Variants in NEIL3 observed in about 807,000 individuals in gnomAD.
NEIL3 encodes the protein endonuclease 8-like 3.
Under a neutral mutation model 57.5 loss-of-function variants are expected in NEIL3, and 48 were observed. That is an observed-to-expected ratio of 0.83 (90% CI 0.66 to 1.06). The LOEUF (loss-of-function observed/expected upper bound fraction) is 1.06, where lower values mean the gene tolerates loss of function less well. Among genes scored for constraint, NEIL3 ranks in the 50% least tolerant of loss-of-function variants. The pLI is 0.00. For missense variants in NEIL3, 717 were observed against 739.1 expected, an observed-to-expected ratio of 0.97 and a Z score of 0.35; for synonymous variants, 261 against 253.2, an observed-to-expected ratio of 1.03 and a Z score of -0.29.
intron 6 of NEIL3, among the ~76,000 whole-genome samples, chr4:177,347,381 T>C (rs1735244972): frequency 6.6e-6 from 1 of 152,012 alleles, no homozygotes. Context: ...CCAAGGCAAG[T>C]TTCTGAGTAG....
At chr4:177,361,370 G>A (rs1037886204) in intron 9 of NEIL3, among the ~76,000 whole-genome samples, 3 of 152,150 alleles carry the variant, frequency 2.0e-5, no homozygotes, top group Non-Finnish European at 4.4e-5. Context: ...ATCTGGAATA[G>A]AACTGAAAAA....
chr4:177,356,376 A>G (rs987639158), intron 8 of NEIL3, among the ~76,000 whole-genome samples: 4 of 152,356 alleles, frequency 2.6e-5, no homozygotes, highest in African/African-American at 9.6e-5. Flanking sequence ...TATTGAATAT[A>G]AGAACACCAG....
chr4:177,345,679 CTTTTTTTTTTTTTTT>C (rs55741585), intron 6 of NEIL3, among the ~76,000 whole-genome samples: 1 of 78,034 alleles, frequency 1.3e-5, no homozygotes, highest in Admixed American at 1.5e-4. Context: ...CCACGCCTGG[CTTTTTTTTTTTTTTT>C]TTTTTTTTTT....
At chr4:177,319,713 G>C (rs1039938015) in intron 1 of NEIL3, among the ~76,000 whole-genome samples, 2 of 152,160 alleles carry the variant, frequency 1.3e-5, no homozygotes, top group Non-Finnish European at 2.9e-5. Flanking sequence ...AAGCACAGGA[G>C]TGGCAGTAGT....
rs762390274 is a variant in NEIL3 at position 177,322,571 on chromosome 4, A to G, written c.269A>G (p.Lys90Arg). The G allele has an allele frequency of 1.2e-6, 2 of 1,613,838 alleles. No homozygotes were observed. The highest frequency in any genetic ancestry group is 3.3e-5 in the Admixed American group (2 of 60,010). ...GAGCTCTTTATGTACTTTGGACCAAAAGCTTTACGGTAAGATAAGCCTGTA... is the reference window on the plus strand; with the variant it reads ...GAGCTCTTTATGTACTTTGGACCAAGAGCTTTACGGTAAGATAAGCCTGTA... Reference protein sequence around the residue: ...GKELFMYFGPKALRIHFGMKG... With the variant: ...GKELFMYFGPRALRIHFGMKG... Residue 90 changes from lysine (K) to arginine (R), a missense_variant, in exon 2 of 10, where the codon AAA (lysine) becomes AGA (arginine). Lys to Arg is a conservative substitution (Grantham distance 26). Coordinates refer to ENST00000264596, the MANE Select transcript of NEIL3 (RefSeq NM_018248.3).
At chr4:177,356,498 C>G (rs1042729958) in intron 8 of NEIL3, among the ~76,000 whole-genome samples, 2 of 152,170 alleles carry the variant, frequency 1.3e-5, no homozygotes, top group African/African-American at 2.4e-5. Flanking sequence ...GAATAAATTG[C>G]AAATTACTGT....
At chr4:177,319,631 A>T (rs1734638344) in intron 1 of NEIL3, among the ~76,000 whole-genome samples, 1 of 151,998 alleles carries the variant, frequency 6.6e-6, no homozygotes, top group Admixed American at 6.6e-5. Flanking sequence ...CAAGTCCCCA[A>T]AGTGTAATGT....
In NEIL3 at chr4:177,322,455, C is replaced by G. The variant is rs762345526; in HGVS notation, c.157-4C>G. The G allele has an allele frequency of 1.2e-6, 2 of 1,613,858 alleles. No homozygotes were observed. Among genetic ancestry groups the G allele is most frequent in the Non-Finnish European group, 1.7e-6 (2 of 1,179,808 alleles). On this transcript the variant is annotated splice_polypyrimidine_tract_variant and splice_region_variant and intron_variant, in intron 1 of 9. Coordinates refer to ENST00000264596, the MANE Select transcript of NEIL3 (RefSeq NM_018248.3). Reference sequence around the variant, plus strand: ...CTTATGTGTGTACATGTATTTTCCACTAGGCTGCTGCACTGAATAATGATT... The same window carrying G: ...CTTATGTGTGTACATGTATTTTCCAGTAGGCTGCTGCACTGAATAATGATT...
intron 4 of NEIL3, among the ~76,000 whole-genome samples, chr4:177,338,086 G>T (rs1038443860): frequency 6.6e-6 from 1 of 151,966 alleles, no homozygotes; most frequent in African/African-American, 2.4e-5. Context: ...TTAAAAGCAC[G>T]TGCACAATTA....
At chr4:177,369,262 C>T in the NEIL3 span, among the ~76,000 whole-genome samples, 1 of 152,106 alleles carries the variant, frequency 6.6e-6, no homozygotes, top group African/African-American at 2.4e-5. Flanking sequence ...TGAGGATTTG[C>T]ATACGTAGAA....
the NEIL3 span, among the ~76,000 whole-genome samples, chr4:177,370,286 G>A: frequency 6.6e-6 from 1 of 152,156 alleles, no homozygotes; most frequent in African/African-American, 2.4e-5. Flanking sequence ...AACAATGAAT[G>A]TTATTACCAA....
intron 6 of NEIL3, 101 bp from the exon 7 acceptor site, chr4:177,351,279 A>T: frequency 1.7e-6 from 1 of 583,244 alleles, no homozygotes; most frequent in Middle Eastern, 4.3e-4. Flanking sequence ...AATAATAAAG[A>T]GATAGCATTG....
chr4:177,351,562 T>C lies in NEIL3; in HGVS notation c.1039+13T>C. On this transcript the variant is annotated intron_variant, in intron 7 of 9. Coordinates refer to ENST00000264596, the MANE Select transcript of NEIL3 (RefSeq NM_018248.3). Reference sequence around the variant, plus strand: ...TCAAGGCCTATTGGTAAGACTGAATTTTGATTTTGAGTTTGTTACATTTCT... The same window carrying C: ...TCAAGGCCTATTGGTAAGACTGAATCTTGATTTTGAGTTTGTTACATTTCT... 1 of 1,600,870 alleles carries C rather than the reference T, an allele frequency of 6.2e-7. No individual in the cohort carries two copies. The highest frequency in any genetic ancestry group is 8.5e-7 in the Non-Finnish European group (1 of 1,172,144).
chr4:177,332,309 G>A (rs1734898689), intron 2 of NEIL3, among the ~76,000 whole-genome samples: 1 of 152,076 alleles, frequency 6.6e-6, no homozygotes, highest in Admixed American at 6.5e-5. Context: ...TCAACTCTAG[G>A]GACAGATGGC....
chr4:177,350,217 A>C (rs1019257042), intron 6 of NEIL3, among the ~76,000 whole-genome samples: 1 of 152,238 alleles, frequency 6.6e-6, no homozygotes, highest in Non-Finnish European at 1.5e-5. Flanking sequence ...CATGTTCTGA[A>C]ATGTAAGATA....
At chr4:177,350,000 T>C (rs376919017) in intron 6 of NEIL3, among the ~76,000 whole-genome samples, 14 of 152,356 alleles carry the variant, frequency 9.2e-5, no homozygotes, top group South Asian at 6.2e-4. Flanking sequence ...GAAGATCTGA[T>C]ATTCCATAGG....
chr4:177,323,147 T>C (rs1217089709), intron 2 of NEIL3, among the ~76,000 whole-genome samples: 1 of 152,200 alleles, frequency 6.6e-6, no homozygotes, highest in Non-Finnish European at 1.5e-5. Context: ...GTTGACTTAA[T>C]GATAAAAAAG....
chr4:177,313,264 A>G (rs1734510107), intron 1 of NEIL3, among the ~76,000 whole-genome samples: 1 of 152,262 alleles, frequency 6.6e-6, no homozygotes, highest in African/African-American at 2.4e-5. Context: ...AGTTATTGCC[A>G]TAATGGACTG....
chr4:177,350,229 A>G (rs1356886846), intron 6 of NEIL3, among the ~76,000 whole-genome samples: 1 of 152,256 alleles, frequency 6.6e-6, no homozygotes, highest in Admixed American at 6.5e-5. Context: ...TGTAAGATAC[A>G]TAGCCTTTAC....
Sources: allele counts gnomAD v4.1 joint callset (sites outside exome capture counted in the v4.1 genomes callset), GRCh38; gene constraint gnomAD v4.1.1; transcripts MANE v1.5; gene names NCBI Gene and HGNC (gene_info 2026-07-23, HGNC 2026-07-21).